KIAA1217: variants seen among roughly 807,000 people sequenced by gnomAD.
KIAA1217 encodes sickle tail protein homolog.
Under a neutral mutation model 163.9 loss-of-function variants are expected in KIAA1217, and 88 were observed. That is an observed-to-expected ratio of 0.54 (90% CI 0.45 to 0.64). The LOEUF is 0.64. KIAA1217 is among the 30% of genes least tolerant of loss of function. The pLI is 0.00. For synonymous variants in KIAA1217, 903 were observed against 923.1 expected, an observed-to-expected ratio of 0.98 and a Z score of 0.39; for missense variants, 2,372 against 2,475.0, an observed-to-expected ratio of 0.96 and a Z score of 0.88.
chr10:24,156,673 A>G (rs887622591), intron 2 of KIAA1217, among the ~76,000 whole-genome samples: 3 of 152,014 alleles, frequency 2.0e-5, no homozygotes, highest in African/African-American at 7.2e-5. Context: ...CACCTTCCCT[A>G]ATCACCCCAG....
At chr10:24,538,758 C>T (rs566211889) in intron 17 of KIAA1217, among the ~76,000 whole-genome samples, 8 of 113,644 alleles carry the variant, frequency 7.0e-5, no homozygotes, top group African/African-American at 2.2e-4. Flanking sequence ...TTTGTGAGAC[C>T]GAGTCTCACT....
chr10:23,977,004 T>G (rs1184085282), intron 1 of KIAA1217, among the ~76,000 whole-genome samples: 1 of 152,192 alleles, frequency 6.6e-6, no homozygotes, highest in Non-Finnish European at 1.5e-5. Context: ...AGTGAAAAGT[T>G]AAAGATGATT....
intron 1 of KIAA1217, among the ~76,000 whole-genome samples, chr10:23,905,064 T>TC (rs1491409617): frequency 3.8e-5 from 2 of 52,392 alleles, no homozygotes; most frequent in Non-Finnish European, 6.3e-5. Flanking sequence ...TCTCTTTTCC[T>TC]TTTTTTTTTT....
intron 2 of KIAA1217, among the ~76,000 whole-genome samples, chr10:24,140,107 C>T (rs1170895309): frequency 1.3e-5 from 2 of 151,926 alleles, no homozygotes; most frequent in East Asian, 1.9e-4. Context: ...CACCTGTAAT[C>T]CCAGCACTTT....
rs533848309 is a variant in KIAA1217, at chr10:24,256,899, A to T, written c.354+36990A>T. Among the ~76,000 whole-genome samples the T allele has an allele frequency of 3.9e-5, 6 of 152,340 alleles. No individual in the cohort carries two copies. In the East Asian group the frequency reaches 1.2e-3, roughly 29 times the overall value. On this transcript the variant is annotated intron_variant, in intron 2 of 20. Transcript: ENST00000376454. Reference sequence around the variant, plus strand: ...TAACAACAAAGTGGGACGCATCATAAGGTCATAGGTCAGTGAAAACAGCTG... The same window carrying T: ...TAACAACAAAGTGGGACGCATCATATGGTCATAGGTCAGTGAAAACAGCTG...
At chr10:23,864,944 G>A (rs1303120327) in intron 1 of KIAA1217, among the ~76,000 whole-genome samples, 2 of 152,058 alleles carry the variant, frequency 1.3e-5, no homozygotes, top group Admixed American at 1.3e-4. Context: ...CTGATTTGAT[G>A]AGGCCCACCC....
intron 2 of KIAA1217, among the ~76,000 whole-genome samples, chr10:24,229,378 T>C (rs1295262469): frequency 2.0e-5 from 3 of 152,234 alleles, no homozygotes; most frequent in Non-Finnish European, 4.4e-5. Context: ...GAATTTCCTC[T>C]TCAGAGCTAT....
chr10:23,793,088 C>A (rs1836033164), intron 1 of KIAA1217, among the ~76,000 whole-genome samples: 1 of 151,940 alleles, frequency 6.6e-6, no homozygotes, highest in African/African-American at 2.4e-5. Context: ...CATTTCTGCT[C>A]CAGACCGTGT....
intron 2 of KIAA1217, among the ~76,000 whole-genome samples, chr10:24,117,657 A>C (rs12254562): frequency 0.029 from 4,483 of 152,140 alleles, 207 homozygotes; most frequent in African/African-American, 0.1. Context: ...TAAAAAAGTG[A>C]GTTTTGGGCT....
intron 1 of KIAA1217, among the ~76,000 whole-genome samples, chr10:23,951,627 T>TGCAAGCAA (rs34524670): frequency 1.6e-4 from 24 of 151,420 alleles, no homozygotes; most frequent in Non-Finnish European, 3.0e-4. Flanking sequence ...CACTCCAGCC[T>TGCAAGCAA]GCAAGCAAGC....
intron 2 of KIAA1217, among the ~76,000 whole-genome samples, chr10:24,177,299 T>TATATA (rs1554894744): frequency 0.17 from 7,918 of 46,424 alleles, 1,102 homozygotes; most frequent in Middle Eastern, 0.22. Context: ...ATATATATAT[T>TATATA]ACAATTTCTT....
intron 2 of KIAA1217, among the ~76,000 whole-genome samples, chr10:24,116,709 G>A (rs993857378): frequency 9.9e-5 from 15 of 151,784 alleles, no homozygotes; most frequent in South Asian, 2.1e-4. Context: ...CCATAGCTCC[G>A]CACACACAAT....
Position 23,757,003 on chromosome 10 carries a change from T to C in KIAA1217, c.-321+61769T>C, listed in dbSNP as rs1301027297. On this transcript the variant is annotated intron_variant, in intron 1 of 18. Coordinates refer to the KIAA1217 transcript ENST00000376462. ...TTTTCTGTGGCTGACTTGTTTTGCTTAGCATAATGTTTCCAAGTTTCATCC... is the reference window on the plus strand; with the variant it reads ...TTTTCTGTGGCTGACTTGTTTTGCTCAGCATAATGTTTCCAAGTTTCATCC... Among the ~76,000 whole-genome samples the C allele has an allele frequency of 3.3e-5, 5 of 152,246 alleles. No individual in the cohort carries two copies. The East Asian group carries it at 9.6e-4, about 29-fold the overall frequency.
At chr10:24,368,054 T>C (rs1341001100) in intron 2 of KIAA1217, among the ~76,000 whole-genome samples, 1 of 152,218 alleles carries the variant, frequency 6.6e-6, no homozygotes, top group African/African-American at 2.4e-5. Flanking sequence ...ATTTAGAAAG[T>C]TCCTGCCCAG....
chr10:24,466,430 C>T (rs1171779201), intron 5 of KIAA1217: 5 of 658,720 alleles, frequency 7.6e-6, no homozygotes, highest in Admixed American at 6.3e-5. Context: ...CTGAGTCACC[C>T]GTGAGGTAGC....
At chr10:24,091,130 C>T (rs1452998513) in intron 2 of KIAA1217, among the ~76,000 whole-genome samples, 11 of 151,834 alleles carry the variant, frequency 7.2e-5, no homozygotes, top group African/African-American at 1.9e-4. Context: ...GTTTTTAAGG[C>T]GTTAAATCTG....
chr10:24,428,286 C>T (rs764729144), intron 3 of KIAA1217, among the ~76,000 whole-genome samples: 6 of 152,210 alleles, frequency 3.9e-5, no homozygotes, highest in Non-Finnish European at 8.8e-5. Flanking sequence ...ACAATCACCA[C>T]ACATCCCACG....
chr10:23,840,176 A>G (rs1588922921), intron 1 of KIAA1217, among the ~76,000 whole-genome samples: 1 of 147,432 alleles, frequency 6.8e-6, no homozygotes, highest in Non-Finnish European at 1.5e-5. Context: ...TTTTTTTGAG[A>G]GGAAGTTTTG....
chr10:24,210,752 CA>C (rs1251076565), intron 1 of KIAA1217, among the ~76,000 whole-genome samples: 1 of 152,076 alleles, frequency 6.6e-6, no homozygotes, highest in African/African-American at 2.4e-5. Context: ...GTGAACAAAG[CA>C]GACTAAAAAT....
Sources: gnomAD v4.1 joint callset for allele counts (sites outside exome capture counted in the v4.1 genomes callset) on GRCh38, gnomAD v4.1.1 for gene constraint, MANE v1.5 for transcripts, NCBI Gene and HGNC (gene_info 2026-07-23, HGNC 2026-07-21) for gene names.